The following RAP2C variants were observed in gnomAD, a reference collection of about 807,000 sequenced individuals.
The protein encoded by RAP2C is ras-related protein Rap-2c.
Under a neutral mutation model 8.9 loss-of-function variants are expected in RAP2C, and 3 were observed. That is an observed-to-expected ratio of 0.34 (90% CI 0.15 to 0.87). The LOEUF (loss-of-function observed/expected upper bound fraction) is 0.87. RAP2C is among the 40% of genes least tolerant of loss of function. The pLI is 0.51. For synonymous variants in RAP2C, 60 were observed against 52.1 expected (o/e 1.15, Z -0.65); for missense variants, 76 against 133.7 (o/e 0.57, Z 2.13).
At chrX:132,211,437 A>G (rs892358990) in intron 5 of RAP2C, among the ~76,000 whole-genome samples, 2 of 111,878 alleles carry the variant, frequency 1.8e-5, no homozygotes, top group African/African-American at 6.5e-5. Flanking sequence ...GGTTTCCATT[A>G]TACTGCTGCC....
At chrX:132,213,409 TATC>T (rs1930485639) in intron 5 of RAP2C, among the ~76,000 whole-genome samples, 1 of 111,760 alleles carries the variant, frequency 8.9e-6, no homozygotes, top group Non-Finnish European at 1.9e-5. Flanking sequence ...ACTTGTAAGT[TATC>T]ATTTAACTCA....
intron 4 of RAP2C, among the ~76,000 whole-genome samples, chrX:132,216,481 C>G (rs1930585642): frequency 1.1e-5 from 1 of 92,452 alleles, no homozygotes; most frequent in Non-Finnish European, 2.0e-5. Context: ...TCTTGCAACA[C>G]TAAGATTTAT....
intron 4 of RAP2C, among the ~76,000 whole-genome samples, chrX:132,215,474 T>C (rs1930552704): frequency 9.0e-6 from 1 of 111,714 alleles, no homozygotes; most frequent in African/African-American, 3.3e-5. Context: ...GGTTTGATAA[T>C]ATATCAACTC....
rs1237185204 is a variant in RAP2C at position 132,203,695 on chromosome X, C to T, written c.*1927G>A. 1 of 112,308 alleles carries T rather than the reference C, an allele frequency of 8.9e-6. No individual in the cohort carries two copies. Among genetic ancestry groups the T allele is most frequent in the African/African-American group, 3.2e-5 (1 of 30,819 alleles). 9.3% of individuals were successfully genotyped at this position (112,308 alleles called of 1,213,427 possible). On this transcript the variant is annotated 3_prime_UTR_variant, in exon 6 of 6. Coordinates refer to ENST00000370874, the MANE Select transcript of RAP2C (RefSeq NM_001271186.2). ...AAAGCTAATAACAATGATCCATGAT[C>T]ACTTAACCTACTTTTAAATGAGTGT...
chrX:132,217,294 C>CTCT lies in RAP2C; in HGVS notation c.-27_-26insAGA, dbSNP rs1229969165. On this transcript the variant is annotated 5_prime_UTR_variant, in exon 4 of 6. Transcript: ENST00000370874. ...GAGTCTCACCTTCACCAACTCCTAC[C>CTCT]AGAGGGGGGGAAAGATCACCCCGCT... 1 of 1,062,186 alleles carries CTCT rather than the reference C, an allele frequency of 9.4e-7. No homozygotes were observed. Among genetic ancestry groups the CTCT allele is most frequent in the African/African-American group, 1.9e-5 (1 of 51,801 alleles). The allele number at this position is 1,062,186 out of a possible 1,213,427, so 87.5% of individuals were successfully genotyped here. A position where few individuals can be genotyped will look rare whatever the true frequency, so the allele number is the denominator to read the frequency against.
chrX:132,218,238 G>T lies in RAP2C; in HGVS notation c.-642C>A, dbSNP rs1370836970. 1 of 108,187 alleles carries T rather than the reference G, an allele frequency of 9.2e-6. No individual in the cohort carries two copies. The highest frequency in any genetic ancestry group is 3.4e-5 in the African/African-American group (1 of 29,699). 8.9% of individuals were successfully genotyped at this position (108,187 alleles called of 1,213,427 possible). A position where few individuals can be genotyped will look rare whatever the true frequency, so the allele number is the denominator to read the frequency against. ...CCGGTGGGGAAAGTCCCACCTCTTCGGGGCGAGCCGGGTGGCGCTGGAGCC... is the reference window on the plus strand; with the variant it reads ...CCGGTGGGGAAAGTCCCACCTCTTCTGGGCGAGCCGGGTGGCGCTGGAGCC... On this transcript the variant is annotated 5_prime_UTR_variant, in exon 2 of 6. Coordinates refer to ENST00000370874, the MANE Select transcript of RAP2C (RefSeq NM_001271186.2).
intron 1 of RAP2C, 61 bp from the exon 2 acceptor site, chrX:132,218,402 A>G (rs1930737426): frequency 9.2e-6 from 1 of 108,276 alleles, no homozygotes; most frequent in East Asian, 3.0e-4. Flanking sequence ...CCAAACCCGT[A>G]GAAGCCCCTC....
At chrX:132,212,152 G>A (rs1484252777) in intron 5 of RAP2C, among the ~76,000 whole-genome samples, 3 of 110,440 alleles carry the variant, frequency 2.7e-5, no homozygotes, top group Non-Finnish European at 5.7e-5. Flanking sequence ...TTATTTCAAG[G>A]CTAATATCTT....
chrX:132,217,997 C>G lies in RAP2C; in HGVS notation c.-620G>C, dbSNP rs1329449523. 3.6e-5 allele frequency: 4 copies of G among 111,508 alleles called. No homozygotes were observed. The highest frequency in any genetic ancestry group is 7.6e-5 in the Non-Finnish European group (4 of 52,839). The allele number at this position is 111,508 out of a possible 1,213,427, so 9.2% of individuals were successfully genotyped here. The stretch of plus-strand genomic sequence containing the variant: ...CCACCCGCTGGCTCCTCTGTCTCTC[C>G]GCTGCCCCAGCGCTGCTGCTCGCCG... On this transcript the variant is annotated 5_prime_UTR_variant, in exon 3 of 6. Coordinates refer to ENST00000370874, the MANE Select transcript of RAP2C (RefSeq NM_001271186.2).
intron 4 of RAP2C, among the ~76,000 whole-genome samples, chrX:132,215,499 C>T (rs1036530865): frequency 1.8e-5 from 2 of 111,591 alleles, no homozygotes; most frequent in Admixed American, 9.5e-5. Flanking sequence ...TTCTAGGTTA[C>T]GCTTATTTCC....
At chrX:132,206,655 A>C (rs1191408065) in intron 5 of RAP2C, among the ~76,000 whole-genome samples, 1 of 112,227 alleles carries the variant, frequency 8.9e-6, no homozygotes, top group African/African-American at 3.2e-5. Flanking sequence ...GCATAATTTT[A>C]ATTTCATTTG....
chrX:132,205,562 C>T lies in RAP2C; in HGVS notation c.*60G>A, dbSNP rs41300315. On this transcript the variant is annotated 3_prime_UTR_variant, in exon 6 of 6. Coordinates refer to ENST00000370874, the MANE Select transcript of RAP2C (RefSeq NM_001271186.2). ...GTTGTAAAGTTCTCCAAAGCAGCAT[C>T]TGTGCAAATTTCCTCTGAGTTTTAT... 4.2e-3 allele frequency: 471 copies of T among 111,739 alleles called. 2 individuals carry two copies. Among genetic ancestry groups the T allele is most frequent in the Middle Eastern group, 9.2e-3 (2 of 218 alleles). The allele number at this position is 111,739 out of a possible 1,213,427, so 9.2% of individuals were successfully genotyped here.
chrX:132,217,445 C>A lies in RAP2C; in HGVS notation c.-177G>T, dbSNP rs1362071704. 2 of 149,827 alleles carry A rather than the reference C, an allele frequency of 1.3e-5. No individual in the cohort carries two copies. Among genetic ancestry groups the A allele is most frequent in the African/African-American group, 7.9e-5 (2 of 25,389 alleles). 12.3% of individuals were successfully genotyped at this position (149,827 alleles called of 1,213,427 possible). A position where few individuals can be genotyped will look rare whatever the true frequency, so the allele number is the denominator to read the frequency against. ...GTTACAGGAGGGGGAGGGGAAAGAG[C>A]GTAGAGTCGGGGAGGGTGGGGAAGG... On this transcript the variant is annotated 5_prime_UTR_variant, in exon 4 of 6. Transcript: ENST00000370874.
chrX:132,215,393 G>T (rs1383481269), intron 4 of RAP2C, among the ~76,000 whole-genome samples: 1 of 111,701 alleles, frequency 9.0e-6, no homozygotes, highest in African/African-American at 3.3e-5. Context: ...ATATTCACAT[G>T]TGGGCCTACG....
At chrX:132,206,097 G>C (rs1930266558) in intron 5 of RAP2C, among the ~76,000 whole-genome samples, 2 of 110,883 alleles carry the variant, frequency 1.8e-5, no homozygotes, top group South Asian at 7.7e-4. Context: ...CGGGCACAGT[G>C]GTTCATGTCT....
intron 4 of RAP2C, 137 bp downstream of exon 4, chrX:132,216,859 G>C: frequency 1.8e-6 from 1 of 561,098 alleles, no homozygotes. Flanking sequence ...TTCCATGGCA[G>C]GAGTAACCTC....
intron 5 of RAP2C, among the ~76,000 whole-genome samples, chrX:132,207,315 A>T (rs1019965751): frequency 6.3e-5 from 7 of 111,819 alleles, no homozygotes; most frequent in African/African-American, 2.3e-4. Context: ...CTCTAAAATC[A>T]AATTGAGAAA....
At chrX:132,212,308 T>TA (rs760015158) in intron 5 of RAP2C, among the ~76,000 whole-genome samples, 7 of 111,468 alleles carry the variant, frequency 6.3e-5, no homozygotes, top group East Asian at 2.8e-4. Flanking sequence ...CTTGAGATAC[T>TA]AAAAAAAATC....
chrX:132,214,894 A>G (rs1203202755), intron 4 of RAP2C, among the ~76,000 whole-genome samples: 1 of 111,791 alleles, frequency 8.9e-6, no homozygotes. Flanking sequence ...GGCTTGAGTG[A>G]AAGTGTTTTA....
Sources: allele counts gnomAD v4.1 joint callset (sites outside exome capture counted in the v4.1 genomes callset), GRCh38; gene constraint gnomAD v4.1.1; transcripts MANE v1.5; gene names NCBI Gene and HGNC (gene_info 2026-07-23, HGNC 2026-07-21).